The following PLA2R1 variants were observed in gnomAD, a reference collection of about 807,000 sequenced individuals.
PLA2R1 encodes secretory phospholipase A2 receptor.
In PLA2R1, 158 loss-of-function variants were observed where a neutral mutation model predicts 195.9. The ratio of observed to expected loss-of-function variants is 0.81; its 90% confidence interval spans 0.71 to 0.92. The LOEUF (loss-of-function observed/expected upper bound fraction) is 0.92. Ranked by LOEUF, PLA2R1 falls within the 40% of genes least tolerant of loss-of-function variation. The pLI is 0.00. For synonymous variants in PLA2R1, 586 were observed against 598.2 expected, an observed-to-expected ratio of 0.98 and a Z score of 0.30; for missense variants, 1,626 against 1,764.6, an observed-to-expected ratio of 0.92 and a Z score of 1.41.
chr2:160,028,227 CA>C lies in PLA2R1; in HGVS notation c.1089del (p.His363GlnfsTer3), dbSNP rs1558961149. On this transcript the variant is annotated frameshift_variant, in exon 6 of 30. Transcript: ENST00000283243. LOFTEE classifies it high-confidence loss of function. ...AAATAAAAACGCTTACCAACTATTT[CA>C]TGATCAATGTGGTTTAGATATTTTT... The part of the protein sequence containing the change: ...ICKKYLNHID[H>X]EIVEKDAWKY... 1.9e-6 allele frequency: 3 copies of C among 1,587,654 alleles called. No homozygotes were observed. Among genetic ancestry groups the C allele is most frequent in the Non-Finnish European group, 2.6e-6 (3 of 1,170,260 alleles).
intron 28 of PLA2R1, 74 bp from the exon 29 acceptor site, chr2:159,942,233 G>T (rs1450294760): frequency 1.7e-6 from 2 of 1,157,458 alleles, no homozygotes; most frequent in East Asian, 2.4e-5. Context: ...CTTACTCAGG[G>T]ATCAGCAAAC....
chr2:159,984,077 T>A lies in PLA2R1; in HGVS notation c.2038-4A>T. The A allele has an allele frequency of 7.1e-7, 1 of 1,408,090 alleles. No homozygotes were observed. Among genetic ancestry groups the A allele is most frequent in the Non-Finnish European group, 9.9e-7 (1 of 1,011,566 alleles). The allele number at this position is 1,408,090 out of a possible 1,614,324, so 87.2% of individuals were successfully genotyped here. On this transcript the variant is annotated splice_region_variant and splice_polypyrimidine_tract_variant and intron_variant, in intron 12 of 29. Coordinates refer to ENST00000283243, the MANE Select transcript of PLA2R1 (RefSeq NM_007366.5). Reference sequence around the variant, plus strand: ...GAACTTTTTCACTATGAAATACCTGTATAGTAAAAGAAAATAAATTAACAT... The same window carrying A: ...GAACTTTTTCACTATGAAATACCTGAATAGTAAAAGAAAATAAATTAACAT...
chr2:159,987,114 G>A, intron 12 of PLA2R1, 42 bp downstream of exon 12: 1 of 1,430,892 alleles, frequency 7.0e-7, no homozygotes, highest in Non-Finnish European at 9.9e-7. Flanking sequence ...AATTAAAATA[G>A]TGTTGGTCCT....
chr2:160,027,312 A>G (rs541424516), intron 6 of PLA2R1, among the ~76,000 whole-genome samples: 8 of 152,292 alleles, frequency 5.3e-5, no homozygotes, highest in Admixed American at 2.6e-4. Flanking sequence ...GAAAAAATGA[A>G]AAGAGAAGGA....
At chr2:160,028,395 G>T (rs116254041) in intron 5 of PLA2R1, 34 bp from the exon 6 acceptor site, 3 of 1,526,422 alleles carry the variant, frequency 2.0e-6, no homozygotes, top group East Asian at 2.3e-5. Context: ...AATATTAGAA[G>T]CAAAAGCAGT....
At chr2:160,032,862 A>T in intron 4 of PLA2R1, 97 bp downstream of exon 4, 1 of 1,001,518 alleles carries the variant, frequency 1.0e-6, no homozygotes, top group Non-Finnish European at 1.5e-6. Flanking sequence ...AATATTTTTT[A>T]AGAACTTTTT....
chr2:159,952,059 GAT>G (rs1369312371), intron 23 of PLA2R1, among the ~76,000 whole-genome samples: 1 of 152,198 alleles, frequency 6.6e-6, no homozygotes, highest in Admixed American at 6.5e-5. Context: ...TTTTGAGACT[GAT>G]AGTCACTATT....
intron 20 of PLA2R1, among the ~76,000 whole-genome samples, chr2:159,961,008 A>T (rs1355842399): frequency 6.6e-6 from 1 of 152,184 alleles, no homozygotes; most frequent in Non-Finnish European, 1.5e-5. Flanking sequence ...GGGAAAAACC[A>T]TCCCACCGCT....
At chr2:159,965,690 G>C (rs62176720) in intron 20 of PLA2R1, among the ~76,000 whole-genome samples, 1 of 152,084 alleles carries the variant, frequency 6.6e-6, no homozygotes, top group Non-Finnish European at 1.5e-5. Flanking sequence ...AATGGTAAAA[G>C]TATGTTTAGT....
In PLA2R1 at chr2:159,956,591, A is replaced by G; in HGVS notation, c.2941T>C (p.Trp981Arg). 6.2e-7 allele frequency: 1 copy of G among 1,613,278 alleles called. No individual in the cohort carries two copies. The highest frequency in any genetic ancestry group is 8.5e-7 in the Non-Finnish European group (1 of 1,179,244). ...LLNIPKDPSS[W>R]KNWTHAQHFC... is the part of the protein sequence containing the mutation. Reference sequence around the variant, plus strand: ...TGTTGAGCATGCGTCCAGTTCTTCCAACTGCTTGGGTCTTTGGGGATATTC... The same window carrying G: ...TGTTGAGCATGCGTCCAGTTCTTCCGACTGCTTGGGTCTTTGGGGATATTC... The change falls in exon 21 of 30, where the codon TGG (tryptophan) becomes CGG (arginine). Residue 981 changes from tryptophan to arginine, a missense_variant. Coordinates refer to ENST00000283243, the MANE Select transcript of PLA2R1 (RefSeq NM_007366.5).
intron 27 of PLA2R1, chr2:159,946,287 A>C: frequency 2.0e-6 from 2 of 985,546 alleles, no homozygotes; most frequent in Non-Finnish European, 2.4e-6. Context: ...CAAGCTCTCC[A>C]TACCAATTAA....
downstream of PLA2R1, among the ~76,000 whole-genome samples, chr2:159,929,450 A>G (rs975495193): frequency 2.0e-5 from 3 of 152,210 alleles, no homozygotes; most frequent in Non-Finnish European, 2.9e-5. Flanking sequence ...CCATAATGTG[A>G]TACCACTTTA....
At chr2:159,956,981 A>C (rs985025920) in intron 20 of PLA2R1, among the ~76,000 whole-genome samples, 45 of 152,278 alleles carry the variant, frequency 3.0e-4, no homozygotes, top group Admixed American at 2.2e-3. Flanking sequence ...TCTAAAAAAA[A>C]AAAAACAAAA....
chr2:160,032,803 T>C (rs549790473), intron 4 of PLA2R1, among the ~76,000 whole-genome samples, 156 bp downstream of exon 4: 2 of 152,190 alleles, frequency 1.3e-5, no homozygotes, highest in Non-Finnish European at 2.9e-5. Flanking sequence ...CACTCAAGGT[T>C]CATGGAAAAA....
At position 160,029,809 on chromosome 2, in the gene PLA2R1, G is replaced by C. The variant is rs527897806; in HGVS notation, c.842-846C>G. Reference sequence around the variant, plus strand: ...ACCTAGTGTCAGAAACATAATGAAAGTGGCAATTTTGTGATGCTTTGAAAT... The same window carrying C: ...ACCTAGTGTCAGAAACATAATGAAACTGGCAATTTTGTGATGCTTTGAAAT... On this transcript the variant is annotated intron_variant, in intron 4 of 29. Coordinates refer to ENST00000283243, the MANE Select transcript of PLA2R1 (RefSeq NM_007366.5). 4.6e-5 allele frequency among the ~76,000 whole-genome samples: 7 copies of C among 152,298 alleles called. No homozygotes were observed. The South Asian group carries it at 1.2e-3, about 27-fold the overall frequency.
intron 12 of PLA2R1, 44 bp downstream of exon 12, chr2:159,987,112 T>C (rs6757188): frequency 0.23 from 333,395 of 1,420,604 alleles, 41,884 homozygotes; most frequent in Admixed American, 0.44. Flanking sequence ...CAAATTAAAA[T>C]AGTGTTGGTC....
intron 26 of PLA2R1, 113 bp from the exon 27 acceptor site, chr2:159,947,030 C>A: frequency 1.4e-6 from 1 of 705,642 alleles, no homozygotes; most frequent in African/African-American, 1.9e-5. Context: ...GTGAAAATTT[C>A]CATTATAAAG....
chr2:159,953,685 T>C (rs552624313), intron 23 of PLA2R1, among the ~76,000 whole-genome samples: 1 of 151,712 alleles, frequency 6.6e-6, no homozygotes, highest in Non-Finnish European at 1.5e-5. Flanking sequence ...CTGTACTATC[T>C]CTAAAGGAAA....
intron 13 of PLA2R1, among the ~76,000 whole-genome samples, chr2:159,981,307 T>C (rs1689936170): frequency 6.8e-6 from 1 of 147,798 alleles, no homozygotes; most frequent in Non-Finnish European, 1.5e-5. Context: ...ATACCTGTTA[T>C]ACCTGCTAAC....
Sources: allele counts gnomAD v4.1 joint callset (sites outside exome capture counted in the v4.1 genomes callset), GRCh38; gene constraint gnomAD v4.1.1; transcripts MANE v1.5; gene names NCBI Gene and HGNC (gene_info 2026-07-23, HGNC 2026-07-21).